The following C4orf33 variants were observed in gnomAD, a reference collection of about 807,000 sequenced individuals.
C4orf33 encodes the protein chromosome 4 open reading frame 33.
C4orf33 carries 20 observed loss-of-function variants against 24.3 expected under a neutral mutation model. That is an observed-to-expected ratio of 0.82 (90% CI 0.58 to 1.19). The LOEUF (loss-of-function observed/expected upper bound fraction) is 1.19. Ranked by LOEUF, C4orf33 falls within the 50% of genes most tolerant of loss-of-function variation. The pLI is 0.00. For missense variants in C4orf33, 207 were observed against 225.9 expected (o/e 0.92, Z 0.54); for synonymous variants, 67 against 76.4 (o/e 0.88, Z 0.64).
At chr4:129,094,208 T>C (rs1753099471), upstream of C4orf33, among the ~76,000 whole-genome samples, 1 of 152,186 alleles carries the variant, frequency 6.6e-6, no homozygotes, top group African/African-American at 2.4e-5. Flanking sequence ...AAAAGGTACT[T>C]TTTTTTGCAA....
At chr4:129,111,447 G>A (rs1434172303) in intron 5 of C4orf33, among the ~76,000 whole-genome samples, 3 of 152,248 alleles carry the variant, frequency 2.0e-5, no homozygotes, top group African/African-American at 7.2e-5. Flanking sequence ...CTTCAGCTGT[G>A]AGGGAGTTAT....
Position 129,115,833 on chromosome 4 carries a change from A to T in C4orf33, c.*4042A>T, listed in dbSNP as rs1191778964. 7.4e-6 allele frequency: 1 copy of T among 135,548 alleles called. No homozygotes were observed. 8.4% of individuals were successfully genotyped at this position (135,548 alleles called of 1,614,324 possible). A position where few individuals can be genotyped will look rare whatever the true frequency, so the allele number is the denominator to read the frequency against. On this transcript the variant is annotated 3_prime_UTR_variant, in exon 6 of 6. Coordinates refer to ENST00000425929, the MANE Select transcript of C4orf33 (RefSeq NM_001099783.2). ...ATATATATATATATATATATATAAA[A>T]TATATATGTTTATATATAACATATA... is the stretch of plus-strand genomic sequence containing the variant.
chr4:129,109,769 C>A, intron 5 of C4orf33, 97 bp downstream of exon 5: 2 of 1,067,410 alleles, frequency 1.9e-6, no homozygotes, highest in South Asian at 1.6e-5. Flanking sequence ...TCAAAGAAGA[C>A]GACATATGTG....
chr4:129,113,729 C>T lies in C4orf33; in HGVS notation c.*1938C>T, dbSNP rs537669981. 6.6e-6 allele frequency: 1 copy of T among 151,912 alleles called. No homozygotes were observed. The highest frequency in any genetic ancestry group is 2.1e-4 in the South Asian group (1 of 4,810). The allele number at this position is 151,912 out of a possible 1,614,324, so 9.4% of individuals were successfully genotyped here. A position where few individuals can be genotyped will look rare whatever the true frequency, so the allele number is the denominator to read the frequency against. ...GGAAATGTGCTTTTTATTTTTGGCT[C>T]CAAACTACTTTTTTTAAACGTTAAA... On this transcript the variant is annotated 3_prime_UTR_variant, in exon 6 of 6. Transcript: ENST00000425929.
In C4orf33 at chr4:129,115,821, T is replaced by TG. The variant is rs1307680333; in HGVS notation, c.*4030_*4031insG. The TG allele has an allele frequency of 1.2e-3, 111 of 92,248 alleles. No individual in the cohort carries two copies. Among genetic ancestry groups the TG allele is most frequent in the African/African-American group, 4.1e-3 (108 of 26,234 alleles). 5.7% of individuals were successfully genotyped at this position (92,248 alleles called of 1,614,324 possible). On this transcript the variant is annotated 3_prime_UTR_variant, in exon 6 of 6. Transcript: ENST00000425929. Reference sequence around the variant, plus strand: ...AACTAAATATATATATATATATATATATATATATAAAATATATATGTTTAT... The same window carrying TG: ...AACTAAATATATATATATATATATATGATATATATAAAATATATATGTTTAT...
chr4:129,112,557 A>G lies in C4orf33; in HGVS notation c.*766A>G, dbSNP rs1753714358. On this transcript the variant is annotated 3_prime_UTR_variant, in exon 6 of 6. Coordinates refer to ENST00000425929, the MANE Select transcript of C4orf33 (RefSeq NM_001099783.2). ...ATTTTGATCTGGATGATGGTTATGT[A>G]GCTGCATATATTTGTCAACATTCCT... The G allele has an allele frequency of 1.3e-5, 2 of 152,140 alleles. No individual in the cohort carries two copies. The highest frequency in any genetic ancestry group is 2.9e-5 in the Non-Finnish European group (2 of 67,970). The allele number at this position is 152,140 out of a possible 1,614,324, so 9.4% of individuals were successfully genotyped here.
intron 1 of C4orf33, among the ~76,000 whole-genome samples, chr4:129,098,888 G>GGT (rs1554009004): frequency 4.0e-4 from 8 of 20,068 alleles, no homozygotes; most frequent in South Asian, 5.4e-3. Flanking sequence ...ACTGTTGGGA[G>GGT]TTTTTTTTTG....
Position 129,115,272 on chromosome 4 carries a change from GT to G in C4orf33, c.*3482del, listed in dbSNP as rs2125805967. 6.6e-6 allele frequency: 1 copy of G among 152,252 alleles called. No individual in the cohort carries two copies. Among genetic ancestry groups the G allele is most frequent in the South Asian group, 2.1e-4 (1 of 4,828 alleles). The allele number at this position is 152,252 out of a possible 1,614,324, so 9.4% of individuals were successfully genotyped here. On this transcript the variant is annotated 3_prime_UTR_variant, in exon 6 of 6. Coordinates refer to ENST00000425929, the MANE Select transcript of C4orf33 (RefSeq NM_001099783.2). ...GAGTGGACTGTATTTAATATCTCTT[GT>G]GTCCTACCTCACATCCTCTTAGGCC... is the stretch of plus-strand genomic sequence containing the variant.
chr4:129,095,080 G>C (rs1367181706), upstream of C4orf33, among the ~76,000 whole-genome samples: 1 of 152,104 alleles, frequency 6.6e-6, no homozygotes, highest in Non-Finnish European at 1.5e-5. Flanking sequence ...GAATTTTTTA[G>C]CTTACATGAT....
chr4:129,101,097 C>G (rs965571688), intron 1 of C4orf33, among the ~76,000 whole-genome samples: 2 of 152,090 alleles, frequency 1.3e-5, no homozygotes, highest in Non-Finnish European at 2.9e-5. Flanking sequence ...ATGCTATTAG[C>G]TTTCTACAAA....
intron 2 of C4orf33, among the ~76,000 whole-genome samples, chr4:129,104,599 A>G (rs527259510): frequency 6.6e-6 from 1 of 152,274 alleles, no homozygotes; most frequent in African/African-American, 2.4e-5. Flanking sequence ...ATAAGCTACA[A>G]TATTTCCTAA....
intron 2 of C4orf33, among the ~76,000 whole-genome samples, chr4:129,103,987 A>G (rs1753442028): frequency 6.6e-6 from 1 of 152,200 alleles, no homozygotes; most frequent in Non-Finnish European, 1.5e-5. Context: ...TTCCTAATGG[A>G]ATACACACTA....
upstream of C4orf33, among the ~76,000 whole-genome samples, chr4:129,095,499 TA>T (rs1753179486): frequency 6.6e-6 from 1 of 152,230 alleles, no homozygotes; most frequent in Non-Finnish European, 1.5e-5. Flanking sequence ...GAAATGTATG[TA>T]GTTTGTGTGT....
upstream of C4orf33, among the ~76,000 whole-genome samples, chr4:129,094,578 C>T (rs1753123649): frequency 1.3e-5 from 2 of 152,142 alleles, no homozygotes; most frequent in South Asian, 4.1e-4. Context: ...CAAATATATG[C>T]AGTTAGGCAT....
chr4:129,095,204 A>C (rs527747462), upstream of C4orf33, among the ~76,000 whole-genome samples: 10 of 152,234 alleles, frequency 6.6e-5, no homozygotes, highest in Non-Finnish European at 2.9e-5. Flanking sequence ...ATTAGGAAAC[A>C]AAATTGTGAT....
At chr4:129,098,273 G>C (rs1484988964) in intron 1 of C4orf33, among the ~76,000 whole-genome samples, 3 of 152,116 alleles carry the variant, frequency 2.0e-5, no homozygotes, top group African/African-American at 7.2e-5. Flanking sequence ...TATCACCTGG[G>C]TAGTGAGCAT....
intron 1 of C4orf33, among the ~76,000 whole-genome samples, chr4:129,101,244 T>C (rs887106919): frequency 6.6e-6 from 1 of 152,220 alleles, no homozygotes; most frequent in Admixed American, 6.5e-5. Flanking sequence ...TACACAGAGC[T>C]TGTACATTTG....
In C4orf33 at chr4:129,111,835, T is replaced by C; in HGVS notation, c.*44T>C. ...CCGATCATTTTTTCCTCTATACCTT[T>C]TAAGATAAACAAAAAATAAATATCA... On this transcript the variant is annotated 3_prime_UTR_variant, in exon 6 of 6. Coordinates refer to ENST00000425929, the MANE Select transcript of C4orf33 (RefSeq NM_001099783.2). 1 of 1,075,492 alleles carries C rather than the reference T, an allele frequency of 9.3e-7. No individual in the cohort carries two copies. The highest frequency in any genetic ancestry group is 1.4e-6 in the Non-Finnish European group (1 of 726,298). 66.6% of individuals were successfully genotyped at this position (1,075,492 alleles called of 1,614,324 possible). A position where few individuals can be genotyped will look rare whatever the true frequency, so the allele number is the denominator to read the frequency against.
At chr4:129,096,967 T>C (rs1293356119) in intron 1 of C4orf33, among the ~76,000 whole-genome samples, 6 of 152,198 alleles carry the variant, frequency 3.9e-5, no homozygotes, top group Non-Finnish European at 7.4e-5. Context: ...TGGAGTGCAG[T>C]GGAGCGATCT....
Sources: allele counts gnomAD v4.1 joint callset (sites outside exome capture counted in the v4.1 genomes callset), GRCh38; gene constraint gnomAD v4.1.1; transcripts MANE v1.5; gene names NCBI Gene and HGNC (gene_info 2026-07-23, HGNC 2026-07-21).